RFXANK: variants seen among roughly 807,000 people sequenced by gnomAD.
RFXANK encodes the protein DNA-binding protein RFXANK.
Under a neutral mutation model 34.5 loss-of-function variants are expected in RFXANK, and 19 were observed. The observed-to-expected ratio is 0.55, with a 90% CI of 0.38 to 0.81. RFXANK has a LOEUF of 0.81. Ranked by LOEUF, RFXANK falls within the 30% of genes least tolerant of loss-of-function variation. The pLI is 0.00. For missense variants in RFXANK, 295 were observed against 343.5 expected, an observed-to-expected ratio of 0.86 and a Z score of 1.12; for synonymous variants, 154 against 149.8, an observed-to-expected ratio of 1.03 and a Z score of -0.20.
chr19:19,199,463 TG>T (rs1361823688), intron 9 of RFXANK, among the ~76,000 whole-genome samples: 2 of 151,944 alleles, frequency 1.3e-5, no homozygotes, highest in Non-Finnish European at 2.9e-5. Context: ...GTGGCCATGA[TG>T]GGGGACACAT....
chr19:19,198,920 C>T (rs922204379), intron 8 of RFXANK, 197 bp downstream of exon 8: 5 of 758,630 alleles, frequency 6.6e-6, no homozygotes, highest in Admixed American at 4.0e-5. Context: ...GGTTTAGGAT[C>T]TGGCCAAGAG....
At chr19:19,200,338 C>T (rs752176263) in intron 9 of RFXANK, among the ~76,000 whole-genome samples, 5 of 151,566 alleles carry the variant, frequency 3.3e-5, no homozygotes, top group East Asian at 2.0e-4. Flanking sequence ...CCATGACGCC[C>T]GGCTAATTTT....
intron 3 of RFXANK, among the ~76,000 whole-genome samples, chr19:19,195,660 C>T (rs911499568): frequency 2.1e-4 from 31 of 145,392 alleles, no homozygotes; most frequent in Non-Finnish European, 4.0e-4. Flanking sequence ...TTGGGGAGGC[C>T]CTCCTGTTAC....
intron 2 of RFXANK, among the ~76,000 whole-genome samples, chr19:19,193,416 T>TC: frequency 7.3e-6 from 1 of 136,196 alleles, no homozygotes; most frequent in Non-Finnish European, 1.6e-5. Context: ...TCCTTTCTTT[T>TC]TTTTTTTTTT....
In RFXANK at chr19:19,193,751, T is replaced by G. The variant is rs143037188; in HGVS notation, c.-8-188T>G. Reference sequence around the variant, plus strand: ...CTTAAACATTGCACATTGTAGGTGCTTTGGTGGTGGGGAATGGTAGACCTC... The same window carrying G: ...CTTAAACATTGCACATTGTAGGTGCGTTGGTGGTGGGGAATGGTAGACCTC... On this transcript the variant is annotated intron_variant, in intron 2 of 9. Transcript: ENST00000303088. Among the ~76,000 whole-genome samples, 83 of 152,232 alleles carry G rather than the reference T, an allele frequency of 5.5e-4. 1 individual carries two copies. The Middle Eastern group carries it at 0.01, about 19-fold the overall frequency.
intron 4 of RFXANK, 55 bp downstream of exon 4, chr19:19,197,101 G>A: frequency 6.2e-7 from 1 of 1,611,718 alleles, no homozygotes. Context: ...GGGAGGGCCT[G>A]TGAGGAGCAA....
chr19:19,200,655 G>A (rs781595646), intron 9 of RFXANK, among the ~76,000 whole-genome samples: 7 of 151,618 alleles, frequency 4.6e-5, no homozygotes, highest in East Asian at 1.9e-4. Flanking sequence ...ACAGAGTCTC[G>A]CTCTGTCACC....
chr19:19,198,148 C>A lies in RFXANK; in HGVS notation c.480C>A (p.Ala160=). 2 of 1,614,166 alleles carry A rather than the reference C, an allele frequency of 1.2e-6. No individual in the cohort carries two copies. Among genetic ancestry groups the A allele is most frequent in the Non-Finnish European group, 1.7e-6 (2 of 1,180,036 alleles). ...PHILAKERES[A]LSLASTGGYT... Reference sequence around the variant, plus strand: ...TCCTGGCAAAAGAGCGAGAGAGCGCCCTGTCGCTGGCCAGCACAGGCGGCT... The same window carrying A: ...TCCTGGCAAAAGAGCGAGAGAGCGCACTGTCGCTGGCCAGCACAGGCGGCT... The change falls in exon 7 of 10, where the codon GCC becomes GCA. Residue 160 remains alanine, a synonymous_variant. Coordinates refer to ENST00000303088, the MANE Select transcript of RFXANK (RefSeq NM_003721.4).
In RFXANK at chr19:19,201,450, C is replaced by G. The variant is rs1320702282; in HGVS notation, c.713-199C>G. On this transcript the variant is annotated intron_variant, in intron 9 of 9. Transcript: ENST00000303088. ...ATATTTTTATATTAATTCTGAAAAG[C>G]TACAAAAGTGCATTTTTACAAACTT... The G allele has an allele frequency of 5.9e-6, 9 of 1,534,758 alleles. 1 individual carries two copies. The South Asian group carries it at 8.2e-5, about 14-fold the overall frequency.
chr19:19,197,261 C>T lies in RFXANK; in HGVS notation c.337+10C>T, dbSNP rs2146485729. 1.2e-6 allele frequency: 2 copies of T among 1,612,312 alleles called. No individual in the cohort carries two copies. Among genetic ancestry groups the T allele is most frequent in the African/African-American group, 2.7e-5 (2 of 75,018 alleles). On this transcript the variant is annotated intron_variant, in intron 5 of 9. Transcript: ENST00000303088. ...GAGCATTTGCGGAAAGGTGCGTGTC[C>T]ACACACATGTGCTGGCATGTCTGCA...
intron 7 of RFXANK, 137 bp downstream of exon 7, chr19:19,198,369 G>T: frequency 7.3e-7 from 1 of 1,363,168 alleles, no homozygotes; most frequent in Non-Finnish European, 1.0e-6. Context: ...CAGCCTCACA[G>T]AGCAGAGCTC....
intron 3 of RFXANK, among the ~76,000 whole-genome samples, chr19:19,195,193 G>A (rs965845263): frequency 6.8e-6 from 1 of 147,290 alleles, no homozygotes; most frequent in Non-Finnish European, 1.5e-5. Context: ...CGAGTAGCTG[G>A]GACTACAGTC....
chr19:19,201,317 G>C, intron 9 of RFXANK: 1 of 702,774 alleles, frequency 1.4e-6, no homozygotes, highest in Non-Finnish European at 2.3e-6. Flanking sequence ...AGCTCAAGCA[G>C]TCCTCCCCAC....
intron 8 of RFXANK, chr19:19,198,936 G>A (rs2060649183): frequency 2.7e-6 from 2 of 746,704 alleles, no homozygotes; most frequent in East Asian, 2.7e-5. Flanking sequence ...AAGAGGCTAA[G>A]CACCTCCATC....
Position 19,198,185 on chromosome 19 carries a change from G to A in RFXANK, c.517G>A (p.Val173Met). Residue 173 changes from valine to methionine, a missense_variant, in exon 7 of 10, where the codon GTG (valine) becomes ATG (methionine). Val to Met is a conservative substitution (Grantham distance 21). Coordinates refer to ENST00000303088, the MANE Select transcript of RFXANK (RefSeq NM_003721.4). ...LASTGGYTDI[V>M]GLLLERDVDI... ...CAGCACAGGCGGCTACACAGACATTGTGGGGCTGCTGCTGGAGCGTGACGT... is the reference window on the plus strand; with the variant it reads ...CAGCACAGGCGGCTACACAGACATTATGGGGCTGCTGCTGGAGCGTGACGT... 1 of 1,614,180 alleles carries A rather than the reference G, an allele frequency of 6.2e-7. No individual in the cohort carries two copies. The highest frequency in any genetic ancestry group is 1.1e-5 in the South Asian group (1 of 91,078).
chr19:19,198,755 C>T, intron 8 of RFXANK, 32 bp downstream of exon 8: 1 of 1,609,938 alleles, frequency 6.2e-7, no homozygotes, highest in South Asian at 1.1e-5. Flanking sequence ...CCCTGGGGGC[C>T]CCAGCACTCC....
At chr19:19,198,895 G>C (rs75833713) in intron 8 of RFXANK, 172 bp downstream of exon 8, 18 of 781,556 alleles carry the variant, frequency 2.3e-5, no homozygotes, top group Non-Finnish European at 3.7e-5. Context: ...AGGACCACAC[G>C]GGAGTCGGGG....
At chr19:19,198,630 G>T (rs769067076) in intron 7 of RFXANK, 27 bp from the exon 8 acceptor site, 1 of 1,611,514 alleles carries the variant, frequency 6.2e-7, no homozygotes, top group Admixed American at 1.7e-5. Flanking sequence ...GTAAACCTTT[G>T]GTTTCTCCTG....
Position 19,193,951 on chromosome 19 carries a change from A to G in RFXANK, c.5A>G (p.Glu2Gly), listed in dbSNP as rs1019901096. Residue 2 changes from glutamate to glycine, a missense_variant, in exon 3 of 10, where the codon GAG (glutamate) becomes GGG (glycine). Coordinates refer to ENST00000303088, the MANE Select transcript of RFXANK (RefSeq NM_003721.4). ...ACACCTCCGCCAGCTTTCCCCATGGAGCTTACCCAGCCTGCAGAAGACCTC... is the reference window on the plus strand; with the variant it reads ...ACACCTCCGCCAGCTTTCCCCATGGGGCTTACCCAGCCTGCAGAAGACCTC... M[E>G]LTQPAEDLIQ... 1.9e-6 allele frequency: 3 copies of G among 1,614,038 alleles called. No homozygotes were observed. The highest frequency in any genetic ancestry group is 2.7e-5 in the African/African-American group (2 of 74,920).
Sources: allele counts gnomAD v4.1 joint callset (sites outside exome capture counted in the v4.1 genomes callset), GRCh38; gene constraint gnomAD v4.1.1; transcripts MANE v1.5; gene names NCBI Gene and HGNC (gene_info 2026-07-23, HGNC 2026-07-21).